Variants in CHCHD3 observed in about 807,000 individuals in gnomAD.
CHCHD3 encodes the protein MICOS complex subunit MIC19.
Under a neutral mutation model 38.2 loss-of-function variants are expected in CHCHD3, and 20 were observed. The observed-to-expected ratio is 0.52, with a 90% CI of 0.37 to 0.76. The LOEUF is 0.76. Ranked by LOEUF, CHCHD3 falls within the 30% of genes least tolerant of loss-of-function variation. The pLI is 0.00. For synonymous variants in CHCHD3, 82 were observed against 100.0 expected, an observed-to-expected ratio of 0.82 and a Z score of 1.07; for missense variants, 245 against 279.2, an observed-to-expected ratio of 0.88 and a Z score of 0.87.
chr7:132,997,988 G>A (rs1338412889), intron 3 of CHCHD3, among the ~76,000 whole-genome samples: 1 of 152,098 alleles, frequency 6.6e-6, no homozygotes, highest in East Asian at 1.9e-4. Flanking sequence ...AAATTTCAGG[G>A]ATAACTATAA....
intron 3 of CHCHD3, among the ~76,000 whole-genome samples, chr7:132,998,338 T>C (rs1812480009): frequency 6.6e-6 from 1 of 152,248 alleles, no homozygotes; most frequent in African/African-American, 2.4e-5. Flanking sequence ...CTGGATTTGA[T>C]GCAGAAGAAA....
chr7:132,865,936 C>G (rs1478498784), intron 5 of CHCHD3, among the ~76,000 whole-genome samples: 3 of 152,134 alleles, frequency 2.0e-5, no homozygotes, highest in African/African-American at 7.2e-5. Context: ...TGTCATTTTG[C>G]CAACATCCTG....
intron 3 of CHCHD3, among the ~76,000 whole-genome samples, chr7:133,023,883 C>T (rs1584651379): frequency 6.6e-6 from 1 of 151,948 alleles, no homozygotes; most frequent in Admixed American, 6.6e-5. Flanking sequence ...CGAGGATGGT[C>T]GGTTTGGATT....
chr7:132,786,560 A>G (rs1208955616), intron 7 of CHCHD3, among the ~76,000 whole-genome samples: 1 of 152,158 alleles, frequency 6.6e-6, no homozygotes, highest in Non-Finnish European at 1.5e-5. Context: ...AGAGGTCTTT[A>G]AGAAGAAAAA....
At chr7:133,036,968 C>G (rs1813697307) in intron 2 of CHCHD3, among the ~76,000 whole-genome samples, 1 of 152,114 alleles carries the variant, frequency 6.6e-6, no homozygotes, top group East Asian at 1.9e-4. Context: ...GGTGCATTTT[C>G]ATAAAGATTT....
chr7:133,047,410 C>T (rs934904138), intron 2 of CHCHD3, among the ~76,000 whole-genome samples: 1 of 152,182 alleles, frequency 6.6e-6, no homozygotes, highest in Non-Finnish European at 1.5e-5. Flanking sequence ...AAAAGCTACC[C>T]TGCCTGAATT....
At chr7:133,065,580 T>C (rs569387773) in intron 2 of CHCHD3, among the ~76,000 whole-genome samples, 14 of 152,202 alleles carry the variant, frequency 9.2e-5, no homozygotes, top group Non-Finnish European at 1.9e-4. Context: ...ATTTAATATA[T>C]AATTTACTTC....
intron 2 of CHCHD3, among the ~76,000 whole-genome samples, chr7:133,027,446 G>A (rs1158583563): frequency 7.9e-6 from 1 of 126,774 alleles, no homozygotes; most frequent in African/African-American, 2.9e-5. Context: ...GGGAGGGAGG[G>A]AGGGGGGGAG....
chr7:132,984,132 G>A (rs1481859406), intron 3 of CHCHD3, among the ~76,000 whole-genome samples: 4 of 150,724 alleles, frequency 2.7e-5, no homozygotes, highest in African/African-American at 9.8e-5. Flanking sequence ...GGACTGTACT[G>A]CTGCCATCTC....
chr7:132,915,179 T>C (rs2117226953), intron 4 of CHCHD3, among the ~76,000 whole-genome samples: 1 of 151,294 alleles, frequency 6.6e-6, no homozygotes, highest in South Asian at 2.1e-4. Flanking sequence ...CACTCTGCAA[T>C]CCTATTTACC....
chr7:132,899,880 T>A (rs1042868569), intron 4 of CHCHD3, among the ~76,000 whole-genome samples: 3 of 152,250 alleles, frequency 2.0e-5, no homozygotes, highest in African/African-American at 7.2e-5. Flanking sequence ...ATTTCTTCTA[T>A]TATTCATTTG....
chr7:132,841,429 A>G (rs1807936619), intron 5 of CHCHD3, among the ~76,000 whole-genome samples: 1 of 88,336 alleles, frequency 1.1e-5, no homozygotes, highest in African/African-American at 3.8e-5. Flanking sequence ...CAACAACAAC[A>G]AAAAAAAAAA....
intron 2 of CHCHD3, among the ~76,000 whole-genome samples, chr7:133,051,651 G>C (rs1814170620): frequency 1.3e-5 from 2 of 151,952 alleles, no homozygotes; most frequent in Non-Finnish European, 2.9e-5. Context: ...ATATGTATAT[G>C]TATGAATGAA....
chr7:132,985,707 AG>A (rs1812095561), intron 3 of CHCHD3, among the ~76,000 whole-genome samples: 1 of 80,764 alleles, frequency 1.2e-5, no homozygotes, highest in Non-Finnish European at 2.5e-5. Context: ...CCGCCCGGCC[AG>A]CCGCCCCATC....
intron 4 of CHCHD3, among the ~76,000 whole-genome samples, chr7:132,919,999 A>C (rs1044897333): frequency 1.3e-5 from 2 of 152,110 alleles, no homozygotes; most frequent in Non-Finnish European, 2.9e-5. Flanking sequence ...AAGTTTTCTT[A>C]AGTGAGAGAA....
intron 4 of CHCHD3, among the ~76,000 whole-genome samples, chr7:132,893,345 T>C (rs1175648182): frequency 1.3e-5 from 2 of 152,176 alleles, no homozygotes; most frequent in Admixed American, 6.5e-5. Flanking sequence ...TTCTCTGATT[T>C]GGAATGAGAG....
In CHCHD3 at chr7:132,975,110, C is replaced by G. The variant is rs768562569; in HGVS notation, c.369+59G>C. On this transcript the variant is annotated intron_variant, in intron 4 of 7. Coordinates refer to ENST00000262570, the MANE Select transcript of CHCHD3 (RefSeq NM_017812.4). ...GCTGGCACAGAGTACTTAGCTCTTC[C>G]CAAACATCAGAGATTTCCTTGTAGG... The G allele has an allele frequency of 6.1e-6, 8 of 1,310,854 alleles. No homozygotes were observed. In the Admixed American group the frequency reaches 1.3e-4, roughly 22 times the overall value. The allele number at this position is 1,310,854 out of a possible 1,614,324, so 81.2% of individuals were successfully genotyped here.
chr7:133,026,014 C>T (rs1452078151), intron 2 of CHCHD3, among the ~76,000 whole-genome samples: 1 of 152,194 alleles, frequency 6.6e-6, no homozygotes, highest in Non-Finnish European at 1.5e-5. Flanking sequence ...AGGATGACTT[C>T]CCTTAGTTGA....
At chr7:132,984,050 A>ACGGTCTCCCTCTCCCCC (rs1562929101) in intron 3 of CHCHD3, among the ~76,000 whole-genome samples, 1 of 128,100 alleles carries the variant, frequency 7.8e-6, no homozygotes, top group Non-Finnish European at 1.7e-5. Context: ...CCCTCTCCCC[A>ACGGTCTCCCTCTCCCCC]TGGTCTCCCT....
Sources: gnomAD v4.1 joint callset for allele counts (sites outside exome capture counted in the v4.1 genomes callset) on GRCh38, gnomAD v4.1.1 for gene constraint, MANE v1.5 for transcripts, NCBI Gene and HGNC (gene_info 2026-07-23, HGNC 2026-07-21) for gene names.